Variants in CADM1 observed in about 807,000 individuals in gnomAD.
CADM1 encodes the protein cell adhesion molecule 1.
In CADM1, 15 loss-of-function variants were observed where a neutral mutation model predicts 53.1. The ratio of observed to expected loss-of-function variants is 0.28; its 90% CI spans 0.19 to 0.44. The LOEUF (loss-of-function observed/expected upper bound fraction) is 0.44, where lower values mean the gene tolerates loss of function less well. Ranked by LOEUF, CADM1 falls within the 20% of genes least tolerant of loss-of-function variation. The pLI, the probability that CADM1 is intolerant of heterozygous loss-of-function variation, is 1.00. For synonymous variants in CADM1, 281 were observed against 243.0 expected, an observed-to-expected ratio of 1.16 and a Z score of -1.45; for missense variants, 434 against 611.3, an observed-to-expected ratio of 0.71 and a Z score of 3.06.
At chr11:115,405,420 T>C (rs1947288638) in intron 1 of CADM1, among the ~76,000 whole-genome samples, 1 of 152,160 alleles carries the variant, frequency 6.6e-6, no homozygotes, top group Non-Finnish European at 1.5e-5. Flanking sequence ...GAGAGCTTTA[T>C]CCAAGAAAGC....
At chr11:115,439,894 T>G (rs1948270692) in intron 1 of CADM1, among the ~76,000 whole-genome samples, 1 of 152,246 alleles carries the variant, frequency 6.6e-6, no homozygotes, top group African/African-American at 2.4e-5. Flanking sequence ...ATAAATTCTG[T>G]TATGCTTTTA....
At chr11:115,240,754 A>G (rs879420959) in intron 1 of CADM1, 15 of 335,554 alleles carry the variant, frequency 4.5e-5, no homozygotes, top group Admixed American at 8.3e-5. Flanking sequence ...TGAATCTCTC[A>G]CAAATGGAGT....
intron 3 of CADM1, among the ~76,000 whole-genome samples, chr11:115,236,826 A>G (rs1565316273): frequency 6.6e-6 from 1 of 152,176 alleles, no homozygotes; most frequent in Non-Finnish European, 1.5e-5. Flanking sequence ...TAATTTTAAG[A>G]CAGAATTGTA....
intron 1 of CADM1, among the ~76,000 whole-genome samples, chr11:115,292,751 G>A (rs1048246759): frequency 2.6e-5 from 4 of 152,192 alleles, no homozygotes; most frequent in Non-Finnish European, 5.9e-5. Context: ...ATGACAGGCA[G>A]ATCAGTCAAT....
At chr11:115,197,055 A>G (rs776358087) in intron 9 of CADM1, among the ~76,000 whole-genome samples, 1 of 152,166 alleles carries the variant, frequency 6.6e-6, no homozygotes, top group East Asian at 1.9e-4. Flanking sequence ...CTTTGCACCA[A>G]TGACCAGAAA....
At chr11:115,330,305 T>C (rs1368155020) in intron 1 of CADM1, among the ~76,000 whole-genome samples, 1 of 152,204 alleles carries the variant, frequency 6.6e-6, no homozygotes, top group Non-Finnish European at 1.5e-5. Context: ...ACTCTTCAGG[T>C]ATCTTACTGA....
At chr11:115,390,229 G>A (rs1035888798) in intron 1 of CADM1, among the ~76,000 whole-genome samples, 26 of 152,260 alleles carry the variant, frequency 1.7e-4, no homozygotes, top group African/African-American at 6.0e-4. Flanking sequence ...TAATTTTTGA[G>A]CTAAACAGTC....
chr11:115,234,864 G>A (rs1253648571), intron 3 of CADM1, among the ~76,000 whole-genome samples: 1 of 120,904 alleles, frequency 8.3e-6, no homozygotes, highest in Non-Finnish European at 1.6e-5. Context: ...TTGCACTCCA[G>A]CCTGGGCGAC....
intron 1 of CADM1, among the ~76,000 whole-genome samples, chr11:115,457,745 T>C: frequency 6.6e-6 from 1 of 152,104 alleles, no homozygotes; most frequent in Non-Finnish European, 1.5e-5. Context: ...TTCAGCCTGA[T>C]AGGTAATTGT....
At chr11:115,339,022 T>C (rs1340067571) in intron 1 of CADM1, among the ~76,000 whole-genome samples, 14 of 144,502 alleles carry the variant, frequency 9.7e-5, no homozygotes, top group Non-Finnish European at 1.5e-4. Flanking sequence ...ATTAGGTATA[T>C]CTCCCAATGC....
intron 1 of CADM1, among the ~76,000 whole-genome samples, chr11:115,431,430 C>A (rs570626117): frequency 1.3e-5 from 2 of 152,252 alleles, no homozygotes; most frequent in East Asian, 1.9e-4. Flanking sequence ...GACAGTAGTT[C>A]TTTGTACCTG....
At chr11:115,306,620 A>G (rs759728333) in intron 1 of CADM1, among the ~76,000 whole-genome samples, 6 of 151,988 alleles carry the variant, frequency 3.9e-5, no homozygotes, top group South Asian at 4.1e-4. Context: ...CTTGTTTTCT[A>G]TGTCTTAGAC....
intron 1 of CADM1, among the ~76,000 whole-genome samples, chr11:115,342,208 C>G (rs533084314): frequency 6.6e-6 from 1 of 152,170 alleles, no homozygotes; most frequent in Non-Finnish European, 1.5e-5. Context: ...GCCTTGCCAT[C>G]AGATCATACC....
chr11:115,501,168 A>G (rs1949718399), intron 1 of CADM1, among the ~76,000 whole-genome samples: 1 of 152,232 alleles, frequency 6.6e-6, no homozygotes, highest in African/African-American at 2.4e-5. Flanking sequence ...ACAAGTCACT[A>G]AATGAAGCCT....
intron 1 of CADM1, among the ~76,000 whole-genome samples, chr11:115,363,226 C>A (rs1946075471): frequency 6.6e-6 from 1 of 152,160 alleles, no homozygotes; most frequent in South Asian, 2.1e-4. Flanking sequence ...TGCCAAAATA[C>A]CGCAAGCATT....
chr11:115,308,930 A>G (rs1273673433), intron 1 of CADM1, among the ~76,000 whole-genome samples: 3 of 151,968 alleles, frequency 2.0e-5, no homozygotes, highest in Non-Finnish European at 4.4e-5. Flanking sequence ...TAAATTATCT[A>G]TATAGACAAT....
chr11:115,444,742 C>T (rs1021167766), intron 1 of CADM1, among the ~76,000 whole-genome samples: 5 of 152,158 alleles, frequency 3.3e-5, no homozygotes, highest in Non-Finnish European at 7.4e-5. Flanking sequence ...GAAATTAAAT[C>T]GCTAATTTTT....
At chr11:115,315,867 C>G (rs1210500239) in intron 1 of CADM1, among the ~76,000 whole-genome samples, 1 of 152,164 alleles carries the variant, frequency 6.6e-6, no homozygotes, top group Non-Finnish European at 1.5e-5. Context: ...TGACCTACCA[C>G]AAAGCCCATA....
intron 8 of CADM1, among the ~76,000 whole-genome samples, chr11:115,207,645 T>C (rs1029148338): frequency 6.6e-6 from 1 of 151,888 alleles, no homozygotes; most frequent in African/African-American, 2.4e-5. Context: ...TGTTGTTCCA[T>C]ATAAAAGAGA....
Sources: allele counts gnomAD v4.1 joint callset (sites outside exome capture counted in the v4.1 genomes callset), GRCh38; gene constraint gnomAD v4.1.1; transcripts MANE v1.5; gene names NCBI Gene and HGNC (gene_info 2026-07-23, HGNC 2026-07-21).